Variants in RPH3A observed in about 807,000 individuals in gnomAD.
RPH3A encodes rabphilin-3A.
A neutral mutation model predicts 102.2 loss-of-function variants in RPH3A; 48 were observed. The ratio of observed to expected loss-of-function variants is 0.47; its 90% confidence interval spans 0.37 to 0.60. The LOEUF (loss-of-function observed/expected upper bound fraction) is 0.60. RPH3A is among the 20% of genes least tolerant of loss of function. The probability of loss-of-function intolerance (pLI) is 0.00; values close to 1 mark genes in which losing one functional copy is unlikely to be tolerated. For missense variants in RPH3A, 781 were observed against 910.1 expected, an observed-to-expected ratio of 0.86 and a Z score of 1.83; for synonymous variants, 310 against 324.3, an observed-to-expected ratio of 0.96 and a Z score of 0.47.
In RPH3A at chr12:112,725,250, GAAAAAAAA is replaced by G. The variant is rs35952537; in HGVS notation, c.-139-66871_-139-66864del. On this transcript the variant is annotated intron_variant, in intron 1 of 21. Coordinates refer to the RPH3A transcript ENST00000543106. ...GGTGACAGAGCAAGACTTTGTCTCA[GAAAAAAAA>G]AAAAAAAAAAAAAAAAAAAAACACG... 1.5e-3 allele frequency among the ~76,000 whole-genome samples: 92 copies of G among 63,064 alleles called. 1 individual carries two copies. In the South Asian group the frequency reaches 0.015, roughly 10 times the overall value. The allele number at this position is 63,064 out of a possible 152,430, so 41.4% of individuals were successfully genotyped here. A position where few individuals can be genotyped will look rare whatever the true frequency, so the allele number is the denominator to read the frequency against.
At chr12:112,581,120 C>T (rs1231129976) in intron 1 of RPH3A, among the ~76,000 whole-genome samples, 1 of 152,132 alleles carries the variant, frequency 6.6e-6, no homozygotes, top group Non-Finnish European at 1.5e-5. Context: ...GAATGTTTAG[C>T]AGATTTGTAT....
At chr12:112,707,797 G>T (rs2040435547) in intron 1 of RPH3A, among the ~76,000 whole-genome samples, 2 of 152,234 alleles carry the variant, frequency 1.3e-5, no homozygotes, top group South Asian at 4.1e-4. Context: ...GACAGTCAAG[G>T]TGTAATGGTG....
At chr12:112,667,165 T>G (rs569354494) in intron 1 of RPH3A, among the ~76,000 whole-genome samples, 15 of 152,302 alleles carry the variant, frequency 9.8e-5, no homozygotes, top group Non-Finnish European at 1.6e-4. Context: ...CTGCTTTATC[T>G]CTCTTCCTTT....
chr12:112,601,061 C>A (rs975585282), intron 1 of RPH3A, among the ~76,000 whole-genome samples: 3 of 152,174 alleles, frequency 2.0e-5, no homozygotes, highest in Non-Finnish European at 4.4e-5. Flanking sequence ...CCCCATGATT[C>A]AATTACCTCC....
intron 2 of RPH3A, among the ~76,000 whole-genome samples, chr12:112,798,027 G>T (rs1479066745): frequency 6.6e-6 from 1 of 152,154 alleles, no homozygotes; most frequent in African/African-American, 2.4e-5. Context: ...CTCCCCATTT[G>T]GGCCAGGAAA....
At chr12:112,755,818 T>C (rs2040819503) in intron 1 of RPH3A, among the ~76,000 whole-genome samples, 1 of 152,144 alleles carries the variant, frequency 6.6e-6, no homozygotes, top group Non-Finnish European at 1.5e-5. Context: ...GAATAAACAA[T>C]TACTTTTTAA....
chr12:112,851,054 C>T (rs1053254973), intron 5 of RPH3A: 9 of 152,182 alleles, frequency 5.9e-5, no homozygotes, highest in Non-Finnish European at 1.0e-4. Flanking sequence ...TTTCTGTTAT[C>T]TGAGTGAAAG....
At chr12:112,690,785 A>C (rs1376856979) in intron 1 of RPH3A, among the ~76,000 whole-genome samples, 1 of 152,066 alleles carries the variant, frequency 6.6e-6, no homozygotes, top group Admixed American at 6.5e-5. Flanking sequence ...GTATACAAAT[A>C]TTTCTTTTTA....
chr12:112,877,359 C>A (rs3901139), intron 13 of RPH3A, among the ~76,000 whole-genome samples: 1 of 151,694 alleles, frequency 6.6e-6, no homozygotes, highest in African/African-American at 2.4e-5. Flanking sequence ...TACAATGTAC[C>A]TATCCCACCC....
chr12:112,710,565 G>T (rs550331980), intron 1 of RPH3A, among the ~76,000 whole-genome samples: 1 of 152,176 alleles, frequency 6.6e-6, no homozygotes, highest in Non-Finnish European at 1.5e-5. Context: ...GTTGTGACAC[G>T]TCCTTAAGGT....
chr12:112,868,278 A>G, intron 7 of RPH3A, 152 bp from the exon 8 acceptor site: 2 of 705,078 alleles, frequency 2.8e-6, no homozygotes, highest in Non-Finnish European at 4.5e-6. Flanking sequence ...ATAAATATGA[A>G]TTGTGCAGGG....
chr12:112,671,915 C>CACAT (rs2040134384), intron 1 of RPH3A, among the ~76,000 whole-genome samples: 1 of 151,664 alleles, frequency 6.6e-6, no homozygotes, highest in Non-Finnish European at 1.5e-5. Context: ...TATATACACA[C>CACAT]ACATACATAC....
chr12:112,782,048 G>A (rs1387890875), intron 1 of RPH3A, among the ~76,000 whole-genome samples: 1 of 152,250 alleles, frequency 6.6e-6, no homozygotes. Flanking sequence ...TGCAATGGGG[G>A]CAGAGAAGAG....
At chr12:112,642,801 TC>T (rs2039900152) in intron 1 of RPH3A, among the ~76,000 whole-genome samples, 1 of 152,230 alleles carries the variant, frequency 6.6e-6, no homozygotes, top group African/African-American at 2.4e-5. Flanking sequence ...TTTAATTTAA[TC>T]CTCACATCAA....
At chr12:112,595,829 G>A (rs2039512418) in intron 1 of RPH3A, among the ~76,000 whole-genome samples, 1 of 152,122 alleles carries the variant, frequency 6.6e-6, no homozygotes, top group South Asian at 2.1e-4. Flanking sequence ...CTCCCTGGGG[G>A]CAACCACACG....
intron 7 of RPH3A, 61 bp from the exon 8 acceptor site, chr12:112,868,369 T>C (rs1027032319): frequency 3.2e-6 from 5 of 1,558,978 alleles, no homozygotes; most frequent in African/African-American, 2.7e-5. Context: ...TGGGCACTCA[T>C]GAAGGTAAGA....
chr12:112,589,015 A>G (rs1208654254), intron 1 of RPH3A, among the ~76,000 whole-genome samples: 1 of 151,928 alleles, frequency 6.6e-6, no homozygotes, highest in Non-Finnish European at 1.5e-5. Flanking sequence ...TTCTTGGGGG[A>G]AGGGGGGAGA....
At chr12:112,576,144 G>A (rs1434512602) in intron 1 of RPH3A, among the ~76,000 whole-genome samples, 1 of 152,212 alleles carries the variant, frequency 6.6e-6, no homozygotes, top group Non-Finnish European at 1.5e-5. Context: ...GGTAGGCAAG[G>A]TGAAAGTCAC....
chr12:112,743,006 CTCTTGCT>C (rs1387269509), intron 1 of RPH3A, among the ~76,000 whole-genome samples: 1 of 152,154 alleles, frequency 6.6e-6, no homozygotes, highest in Non-Finnish European at 1.5e-5. Context: ...TCCCTCCAAC[CTCTTGCT>C]TCTGCCATCC....
Sources: gnomAD v4.1 joint callset for allele counts (sites outside exome capture counted in the v4.1 genomes callset) on GRCh38, gnomAD v4.1.1 for gene constraint, MANE v1.5 for transcripts, NCBI Gene and HGNC (gene_info 2026-07-23, HGNC 2026-07-21) for gene names.